Variants in ASTN2 observed in about 807,000 individuals in gnomAD.
ASTN2 encodes the protein astrotactin-2.
Under a neutral mutation model 139.8 loss-of-function variants are expected in ASTN2, and 54 were observed. That is an observed-to-expected ratio of 0.39 (90% CI 0.31 to 0.48). The LOEUF (loss-of-function observed/expected upper bound fraction) is 0.48, where lower values mean the gene tolerates loss of function less well. Among genes scored for constraint, ASTN2 ranks in the 20% least tolerant of loss-of-function variants. The pLI is 0.95. For missense variants in ASTN2, 1,565 were observed against 1,725.1 expected (o/e 0.91, Z 1.64); for synonymous variants, 756 against 719.5 (o/e 1.05, Z -0.81).
intron 7 of ASTN2, among the ~76,000 whole-genome samples, chr9:116,983,944 G>C (rs1379255174): frequency 6.6e-6 from 1 of 152,166 alleles, no homozygotes; most frequent in African/African-American, 2.4e-5. Context: ...AGGAGAAAAA[G>C]ATGCTTACTT....
intron 2 of ASTN2, among the ~76,000 whole-genome samples, chr9:117,264,695 A>G (rs1394647965): frequency 1.3e-5 from 2 of 152,254 alleles, no homozygotes; most frequent in Non-Finnish European, 2.9e-5. Flanking sequence ...CTTACATCCA[A>G]AGTCAAACAC....
chr9:116,634,591 A>G (rs1384238749), intron 17 of ASTN2, among the ~76,000 whole-genome samples: 1 of 30,492 alleles, frequency 3.3e-5, no homozygotes, highest in Non-Finnish European at 6.6e-5. Context: ...CTCCGTCTCA[A>G]AAAAAAAAAA....
intron 4 of ASTN2, among the ~76,000 whole-genome samples, chr9:117,102,153 A>G (rs1012183067): frequency 3.3e-5 from 5 of 152,234 alleles, no homozygotes; most frequent in African/African-American, 1.2e-4. Flanking sequence ...TCACCTGATG[A>G]ATGGATGAAC....
intron 13 of ASTN2, among the ~76,000 whole-genome samples, chr9:116,787,565 A>G (rs1830407140): frequency 2.6e-5 from 4 of 152,152 alleles, no homozygotes; most frequent in Admixed American, 2.0e-4. Context: ...GAATAACTCA[A>G]TGTGCTGGAC....
chr9:116,788,627 T>A (rs1438785047), intron 13 of ASTN2, among the ~76,000 whole-genome samples: 1 of 152,006 alleles, frequency 6.6e-6, no homozygotes, highest in Non-Finnish European at 1.5e-5. Flanking sequence ...CACTTGCAAA[T>A]CCACTAACAT....
Position 116,467,306 on chromosome 9 carries a change from C to T in ASTN2, c.3497+20053G>A, listed in dbSNP as rs572410305. On this transcript the variant is annotated intron_variant, in intron 20 of 22. Coordinates refer to ENST00000313400, the MANE Select transcript of ASTN2 (RefSeq NM_001365068.1). ...CTTTTGAGACAGAGTCTCGCTCTGT[C>T]ACCAGGCTGGAGTGCAGTGGTGCGA... Among the ~76,000 whole-genome samples, 287 of 152,206 alleles carry T rather than the reference C, an allele frequency of 1.9e-3. 1 individual carries two copies. Among genetic ancestry groups the T allele is most frequent in the Non-Finnish European group, 3.2e-3 (219 of 68,002 alleles).
At chr9:116,566,620 T>C (rs1418199139) in intron 19 of ASTN2, among the ~76,000 whole-genome samples, 1 of 152,218 alleles carries the variant, frequency 6.6e-6, no homozygotes, top group Admixed American at 6.5e-5. Context: ...TGATTCACCA[T>C]GCGGAAATCC....
At chr9:117,186,373 C>T (rs901496504) in intron 3 of ASTN2, among the ~76,000 whole-genome samples, 4 of 122,788 alleles carry the variant, frequency 3.3e-5, no homozygotes, top group South Asian at 2.9e-4. Flanking sequence ...GGTGAAAACC[C>T]GTCTCTACTA....
chr9:117,199,277 A>G (rs933390356), intron 3 of ASTN2, among the ~76,000 whole-genome samples: 2 of 152,168 alleles, frequency 1.3e-5, no homozygotes, highest in Non-Finnish European at 2.9e-5. Flanking sequence ...TTTACATTTA[A>G]GTCTTGTTTC....
At chr9:116,671,844 G>T (rs1390491935) in intron 16 of ASTN2, among the ~76,000 whole-genome samples, 1 of 152,044 alleles carries the variant, frequency 6.6e-6, no homozygotes, top group Non-Finnish European at 1.5e-5. Flanking sequence ...CTTGAAAATG[G>T]CTACTTCCCC....
chr9:116,431,049 C>T (rs1056826685), intron 22 of ASTN2, among the ~76,000 whole-genome samples: 1 of 152,294 alleles, frequency 6.6e-6, no homozygotes, highest in Non-Finnish European at 1.5e-5. Flanking sequence ...AGGGCCACCA[C>T]ATACTAATTT....
chr9:116,968,914 AAAG>A (rs1836100030), intron 10 of ASTN2, among the ~76,000 whole-genome samples: 1 of 151,748 alleles, frequency 6.6e-6, no homozygotes, highest in African/African-American at 2.4e-5. Context: ...AAAAAAAAAA[AAAG>A]TTCCTCCTTA....
chr9:116,665,021 A>T (rs1440099766), intron 16 of ASTN2, among the ~76,000 whole-genome samples: 1 of 152,126 alleles, frequency 6.6e-6, no homozygotes, highest in Non-Finnish European at 1.5e-5. Context: ...ATTGTTAAAA[A>T]GTCTGGGACC....
At chr9:116,843,126 A>G (rs2132308939) in intron 11 of ASTN2, among the ~76,000 whole-genome samples, 1 of 152,326 alleles carries the variant, frequency 6.6e-6, no homozygotes, top group South Asian at 2.1e-4. Flanking sequence ...TCTACCAAAA[A>G]GACACACGCA....
intron 19 of ASTN2, among the ~76,000 whole-genome samples, chr9:116,502,647 C>T (rs1332739609): frequency 7.0e-6 from 1 of 143,242 alleles, no homozygotes; most frequent in Non-Finnish European, 1.5e-5. Context: ...AGACCAAGAC[C>T]AAGGCAAACA....
chr9:117,405,837 A>G (rs1273390744), intron 1 of ASTN2, among the ~76,000 whole-genome samples: 1 of 152,200 alleles, frequency 6.6e-6, no homozygotes, highest in East Asian at 1.9e-4. Context: ...CTCAAGACAG[A>G]GTCTTCTCCA....
At chr9:116,853,677 C>T (rs1018519523) in intron 11 of ASTN2, among the ~76,000 whole-genome samples, 4 of 152,156 alleles carry the variant, frequency 2.6e-5, no homozygotes, top group East Asian at 1.9e-4. Flanking sequence ...TACCCTAGCC[C>T]GCCCTTGGGC....
At chr9:116,790,960 AAAGAAGGAAAGAAAGAAAG>A (rs1564268770) in intron 13 of ASTN2, among the ~76,000 whole-genome samples, 4 of 128,598 alleles carry the variant, frequency 3.1e-5, no homozygotes, top group East Asian at 2.1e-4. Flanking sequence ...GAAAGAAAAG[AAAGAAGGAAAGAAAGAAAG>A]AAAGAAAGAA....
chr9:117,375,086 G>A (rs908574137), intron 1 of ASTN2, among the ~76,000 whole-genome samples: 3 of 152,094 alleles, frequency 2.0e-5, no homozygotes, highest in African/African-American at 7.2e-5. Flanking sequence ...CTCCCAGCAC[G>A]TTCAGTTTCA....
Sources: allele counts gnomAD v4.1 joint callset (sites outside exome capture counted in the v4.1 genomes callset), GRCh38; gene constraint gnomAD v4.1.1; transcripts MANE v1.5; gene names NCBI Gene and HGNC (gene_info 2026-07-23, HGNC 2026-07-21).